Variants in SETBP1 observed in about 807,000 individuals in gnomAD.
The protein encoded by SETBP1 is SET binding protein 1, also known as SET-binding protein.
A neutral mutation model predicts 101.0 loss-of-function variants in SETBP1; 9 were observed. The observed-to-expected ratio is 0.09, with a 90% CI of 0.05 to 0.16. SETBP1 has a LOEUF of 0.16. Among genes scored for constraint, SETBP1 ranks in the 10% least tolerant of loss-of-function variants. The pLI, the probability that SETBP1 is intolerant of heterozygous loss-of-function variation, is 1.00. For synonymous variants in SETBP1, 818 were observed against 788.5 expected (o/e 1.04, Z -0.63); for missense variants, 1,858 against 2,033.8 (o/e 0.91, Z 1.66).
At chr18:44,985,888 T>C in intron 4 of SETBP1, among the ~76,000 whole-genome samples, 1 of 152,200 alleles carries the variant, frequency 6.6e-6, no homozygotes, top group South Asian at 2.1e-4. Context: ...TTAGAAACAA[T>C]ATTTGGAGCC....
intron 3 of SETBP1, among the ~76,000 whole-genome samples, chr18:44,872,469 T>C (rs1331466233): frequency 6.6e-6 from 1 of 152,200 alleles, no homozygotes; most frequent in African/African-American, 2.4e-5. Flanking sequence ...TCCACAACAC[T>C]GGAAAATCCA....
At chr18:44,694,421 A>T (rs188580221) in intron 1 of SETBP1, among the ~76,000 whole-genome samples, 55 of 152,340 alleles carry the variant, frequency 3.6e-4, no homozygotes, top group African/African-American at 1.3e-3. Flanking sequence ...CATGTTGGCC[A>T]GGCTGGTCTC....
At position 44,989,868 on chromosome 18, in the gene SETBP1, C is replaced by CAAAAAAAAAAAA. The variant is rs1169222498; in HGVS notation, c.4000+36556_4000+36567dup. 1.9e-4 allele frequency among the ~76,000 whole-genome samples: 3 copies of CAAAAAAAAAAAA among 15,424 alleles called. 1 individual carries two copies. Among genetic ancestry groups the CAAAAAAAAAAAA allele is most frequent in the Admixed American group, 1.2e-3 (1 of 854 alleles). 10.1% of individuals were successfully genotyped at this position (15,424 alleles called of 152,430 possible). ...TGGGCGACAGAGCGAGACTCCGTCT[C>CAAAAAAAAAAAA]AAAAAAAAAAAAAAAAAAAAAAAAA... On this transcript the variant is annotated intron_variant, in intron 4 of 5. Transcript: ENST00000649279.
At chr18:44,958,177 C>G (rs2071533002) in intron 4 of SETBP1, among the ~76,000 whole-genome samples, 1 of 152,232 alleles carries the variant, frequency 6.6e-6, no homozygotes, top group Admixed American at 6.5e-5. Flanking sequence ...CTACACCACT[C>G]CCCTGCACAC....
intron 2 of SETBP1, among the ~76,000 whole-genome samples, chr18:44,767,641 A>C (rs574918999): frequency 6.6e-6 from 1 of 152,202 alleles, no homozygotes; most frequent in Non-Finnish European, 1.5e-5. Context: ...CATGTTTGTG[A>C]TTAGGGTCAA....
At chr18:44,769,018 A>G (rs1396183147) in intron 2 of SETBP1, among the ~76,000 whole-genome samples, 1 of 152,200 alleles carries the variant, frequency 6.6e-6, no homozygotes, top group East Asian at 1.9e-4. Context: ...TGGGAGGTAC[A>G]CTAAAATGGC....
intron 4 of SETBP1, among the ~76,000 whole-genome samples, chr18:45,011,882 G>T (rs899297031): frequency 2.0e-5 from 3 of 152,178 alleles, no homozygotes; most frequent in Non-Finnish European, 4.4e-5. Flanking sequence ...CCAACTCATA[G>T]TAAGACTTTG....
At chr18:44,908,250 AG>A (rs1201640053) in intron 3 of SETBP1, among the ~76,000 whole-genome samples, 1 of 151,828 alleles carries the variant, frequency 6.6e-6, no homozygotes, top group Admixed American at 6.6e-5. Flanking sequence ...TAGTGGAGAC[AG>A]GGTTTCACCA....
intron 2 of SETBP1, among the ~76,000 whole-genome samples, chr18:44,757,784 C>G (rs1038556887): frequency 2.0e-5 from 3 of 151,992 alleles, no homozygotes; most frequent in Non-Finnish European, 2.9e-5. Context: ...CTCTTAAGAA[C>G]TCTGTTTGAA....
chr18:44,754,813 G>A (rs1235845690), intron 2 of SETBP1, among the ~76,000 whole-genome samples: 1 of 152,204 alleles, frequency 6.6e-6, no homozygotes, highest in Non-Finnish European at 1.5e-5. Context: ...TGCTGGGCTT[G>A]ATGATGAATT....
rs147041384 is a variant in SETBP1 at position 44,813,807 on chromosome 18, G to A, written c.487-55423G>A. Reference sequence around the variant, plus strand: ...TTTGAGTCAGACCCTCAGGTTCCTCGGAATGCTCACACACTAATGGACCAC... The same window carrying A: ...TTTGAGTCAGACCCTCAGGTTCCTCAGAATGCTCACACACTAATGGACCAC... On this transcript the variant is annotated intron_variant, in intron 2 of 5. Coordinates refer to ENST00000649279, the MANE Select transcript of SETBP1 (RefSeq NM_015559.3). Among the ~76,000 whole-genome samples the A allele has an allele frequency of 3.4e-4, 52 of 152,230 alleles. No homozygotes were observed. In the East Asian group the frequency reaches 9.3e-3, roughly 27 times the overall value.
At chr18:44,937,190 C>A (rs939208671) in intron 3 of SETBP1, among the ~76,000 whole-genome samples, 3 of 152,156 alleles carry the variant, frequency 2.0e-5, no homozygotes, top group African/African-American at 7.2e-5. Flanking sequence ...CGGTGGCTCA[C>A]GCCTGTAATC....
chr18:44,991,721 T>C (rs1480843604), intron 4 of SETBP1, among the ~76,000 whole-genome samples: 1 of 152,166 alleles, frequency 6.6e-6, no homozygotes, highest in East Asian at 1.9e-4. Flanking sequence ...TTCTCAGTAA[T>C]GGATCAAACA....
chr18:44,984,900 G>A (rs1266207157), intron 4 of SETBP1, among the ~76,000 whole-genome samples: 1 of 152,160 alleles, frequency 6.6e-6, no homozygotes, highest in African/African-American at 2.4e-5. Context: ...CAGCACTTTG[G>A]GAGGCCAAGG....
chr18:44,994,784 C>A (rs111832921), intron 4 of SETBP1, among the ~76,000 whole-genome samples: 4 of 152,234 alleles, frequency 2.6e-5, no homozygotes, highest in African/African-American at 9.6e-5. Context: ...ATACATGGCC[C>A]AATATCTACA....
intron 2 of SETBP1, among the ~76,000 whole-genome samples, chr18:44,848,072 G>GGTGTGTGTGT (rs4024595): frequency 6.7e-6 from 1 of 148,530 alleles, no homozygotes; most frequent in Admixed American, 6.7e-5. Context: ...ACTCTCTGAA[G>GGTGTGTGTGT]GTGTGTGTGT....
At chr18:44,915,297 T>C (rs1160689262) in intron 3 of SETBP1, among the ~76,000 whole-genome samples, 1 of 152,216 alleles carries the variant, frequency 6.6e-6, no homozygotes, top group African/African-American at 2.4e-5. Flanking sequence ...TATGGGGTTT[T>C]ATTTGGTGGC....
intron 2 of SETBP1, among the ~76,000 whole-genome samples, chr18:44,715,428 G>A (rs929577281): frequency 4.6e-5 from 7 of 152,172 alleles, no homozygotes; most frequent in African/African-American, 1.7e-4. Flanking sequence ...GTCCTGGTTT[G>A]GACTGAGAAT....
At chr18:44,794,856 G>T (rs2071442158) in intron 2 of SETBP1, among the ~76,000 whole-genome samples, 1 of 152,150 alleles carries the variant, frequency 6.6e-6, no homozygotes, top group Admixed American at 6.5e-5. Flanking sequence ...CTTAGGATCT[G>T]AGATTTGTAT....
Sources: gnomAD v4.1 joint callset for allele counts (sites outside exome capture counted in the v4.1 genomes callset) on GRCh38, gnomAD v4.1.1 for gene constraint, MANE v1.5 for transcripts, NCBI Gene and HGNC (gene_info 2026-07-23, HGNC 2026-07-21) for gene names.